Variants in MIS18A observed in about 807,000 individuals in gnomAD.
The protein encoded by MIS18A is MIS18 kinetochore protein A.
A neutral mutation model predicts 25.0 loss-of-function variants in MIS18A; 14 were observed. That is an observed-to-expected ratio of 0.56 (90% CI 0.37 to 0.88). The LOEUF (loss-of-function observed/expected upper bound fraction) is 0.88. Ranked by LOEUF, MIS18A falls within the 40% of genes least tolerant of loss-of-function variation. The probability of loss-of-function intolerance (pLI) is 0.00; values close to 1 mark genes in which losing one functional copy is unlikely to be tolerated. For synonymous variants in MIS18A, 134 were observed against 118.6 expected (o/e 1.13, Z -0.84); for missense variants, 292 against 290.8 (o/e 1.00, Z -0.03).
At position 32,278,436 on chromosome 21, in the gene MIS18A, G is replaced by C. The variant is rs1054073564; in HGVS notation, c.334+245C>G. The C allele has an allele frequency of 7.6e-6, 4 of 529,366 alleles. No homozygotes were observed. In the African/African-American group the frequency reaches 8.0e-5, roughly 11 times the overall value. 32.8% of individuals were successfully genotyped at this position (529,366 alleles called of 1,614,324 possible). On this transcript the variant is annotated intron_variant, in intron 1 of 4. Coordinates refer to ENST00000290130, the MANE Select transcript of MIS18A (RefSeq NM_018944.3). Reference sequence around the variant, plus strand: ...TTTGTTTCTGAGTAATGCTCACGATGATGCTGATTCAACCACTGCTCTTCT... The same window carrying C: ...TTTGTTTCTGAGTAATGCTCACGATCATGCTGATTCAACCACTGCTCTTCT...
At chr21:32,217,721 A>G in the MIS18A span, among the ~76,000 whole-genome samples, 1 of 152,180 alleles carries the variant, frequency 6.6e-6, no homozygotes, top group African/African-American at 2.4e-5. Flanking sequence ...GCAAGACAGT[A>G]GAGATCCATC....
At chr21:32,258,352 G>A in the MIS18A span, among the ~76,000 whole-genome samples, 6 of 152,190 alleles carry the variant, frequency 3.9e-5, no homozygotes, top group East Asian at 1.9e-4. Flanking sequence ...CATCGGGGAC[G>A]GGGGGCCTTG....
chr21:32,170,395 A>G, the MIS18A span, among the ~76,000 whole-genome samples: 2 of 152,206 alleles, frequency 1.3e-5, no homozygotes, highest in Non-Finnish European at 2.9e-5. Flanking sequence ...AAACACCATC[A>G]GTGCCAATTA....
the MIS18A span, among the ~76,000 whole-genome samples, chr21:32,181,005 A>G: frequency 6.6e-6 from 1 of 152,082 alleles, no homozygotes; most frequent in Non-Finnish European, 1.5e-5. Context: ...CTGGTTAGAC[A>G]TTATTTCTGG....
chr21:32,264,760 G>T (rs2031562209), downstream of MIS18A, among the ~76,000 whole-genome samples: 1 of 152,084 alleles, frequency 6.6e-6, no homozygotes, highest in Non-Finnish European at 1.5e-5. Context: ...TTCTGCAACG[G>T]GTCCCTCTCC....
At chr21:32,270,578 A>G in intron 2 of MIS18A, 49 bp from the exon 3 acceptor site, 1 of 1,474,094 alleles carries the variant, frequency 6.8e-7, no homozygotes, top group South Asian at 1.5e-5. Context: ...GCAACTCATT[A>G]TAATAAAAAT....
At chr21:32,170,828 C>A in the MIS18A span, among the ~76,000 whole-genome samples, 11 of 151,820 alleles carry the variant, frequency 7.2e-5, no homozygotes, top group Non-Finnish European at 1.5e-4. Flanking sequence ...TAGTTTAATA[C>A]CCAAAAATCA....
chr21:32,268,643 A>G lies in MIS18A; in HGVS notation c.*394T>C, dbSNP rs1037502922. The stretch of plus-strand genomic sequence containing the variant: ...AATAAATGTGATACAGAGGAAAAAA[A>G]GTTCAGAAAATTATCCCAGTTTCTT... On this transcript the variant is annotated 3_prime_UTR_variant, in exon 5 of 5. Coordinates refer to ENST00000290130, the MANE Select transcript of MIS18A (RefSeq NM_018944.3). 4.5e-5 allele frequency: 7 copies of G among 154,144 alleles called. No homozygotes were observed. Among genetic ancestry groups the G allele is most frequent in the African/African-American group, 1.2e-4 (5 of 41,532 alleles). The allele number at this position is 154,144 out of a possible 1,614,324, so 9.5% of individuals were successfully genotyped here. A position where few individuals can be genotyped will look rare whatever the true frequency, so the allele number is the denominator to read the frequency against.
At chr21:32,172,881 G>A in the MIS18A span, among the ~76,000 whole-genome samples, 1 of 152,068 alleles carries the variant, frequency 6.6e-6, no homozygotes, top group Non-Finnish European at 1.5e-5. Context: ...AACAAATGGT[G>A]TTGGGACAAC....
At chr21:32,273,424 C>T (rs1277484909) in intron 2 of MIS18A, among the ~76,000 whole-genome samples, 1 of 152,022 alleles carries the variant, frequency 6.6e-6, no homozygotes, top group Non-Finnish European at 1.5e-5. Context: ...CCTGAAGCTA[C>T]ATAGAAGCCC....
chr21:32,159,087 G>T, the MIS18A span, among the ~76,000 whole-genome samples: 4 of 151,880 alleles, frequency 2.6e-5, no homozygotes, highest in African/African-American at 9.7e-5. Flanking sequence ...CTTAAATAAG[G>T]TTTGAATTGG....
In MIS18A at chr21:32,274,815, TAC is replaced by T. The variant is rs2031780063; in HGVS notation, c.401+13_401+14del. The T allele has an allele frequency of 6.3e-7, 1 of 1,591,770 alleles. No homozygotes were observed. The highest frequency in any genetic ancestry group is 1.3e-5 in the African/African-American group (1 of 74,336). On this transcript the variant is annotated intron_variant, in intron 2 of 4. Coordinates refer to ENST00000290130, the MANE Select transcript of MIS18A (RefSeq NM_018944.3). ...AAATTCTCTAACATATTCATATAAA[TAC>T]AGTTTTACTCACCAACCATTTTCCT... is the stretch of plus-strand genomic sequence containing the variant.
chr21:32,252,209 A>C, the MIS18A span, among the ~76,000 whole-genome samples: 3 of 106,946 alleles, frequency 2.8e-5, no homozygotes, highest in African/African-American at 1.5e-4. Context: ...GGAGGAGAAG[A>C]AGAAGAAGAA....
chr21:32,274,215 T>TC, intron 2 of MIS18A, among the ~76,000 whole-genome samples: 1 of 142,218 alleles, frequency 7.0e-6, no homozygotes, highest in East Asian at 2.0e-4. Context: ...TTTTTTTTTT[T>TC]TTTTTTTTTG....
At chr21:32,192,826 T>A in the MIS18A span, among the ~76,000 whole-genome samples, 1,550 of 152,300 alleles carry the variant, frequency 0.01, 28 homozygotes, top group African/African-American at 0.035. Flanking sequence ...CAGTCACCCA[T>A]GTGGCCCACC....
the MIS18A span, among the ~76,000 whole-genome samples, chr21:32,220,667 G>A: frequency 6.6e-6 from 1 of 151,964 alleles, no homozygotes; most frequent in Non-Finnish European, 1.5e-5. Context: ...GAAAGTGGGT[G>A]ATAACAAACT....
intron 1 of MIS18A, among the ~76,000 whole-genome samples, chr21:32,276,403 G>A (rs2031809739): frequency 7.1e-6 from 1 of 140,712 alleles, no homozygotes; most frequent in South Asian, 2.3e-4. Context: ...GGAGCTTGCA[G>A]TGAGCTGAGA....
At chr21:32,179,881 T>C in the MIS18A span, among the ~76,000 whole-genome samples, 2 of 152,226 alleles carry the variant, frequency 1.3e-5, no homozygotes, top group Non-Finnish European at 2.9e-5. Flanking sequence ...CTGCATACAA[T>C]GTTCCAGTAA....
the MIS18A span, among the ~76,000 whole-genome samples, chr21:32,231,848 G>A: frequency 6.6e-6 from 1 of 152,158 alleles, no homozygotes; most frequent in Non-Finnish European, 1.5e-5. Flanking sequence ...AGGAGGCGGA[G>A]CTTGCAGTGA....
Sources: allele counts gnomAD v4.1 joint callset (sites outside exome capture counted in the v4.1 genomes callset), GRCh38; gene constraint gnomAD v4.1.1; transcripts MANE v1.5; gene names NCBI Gene and HGNC (gene_info 2026-07-23, HGNC 2026-07-21).